SMARCC1: variants seen among roughly 807,000 people sequenced by gnomAD.
The protein encoded by SMARCC1 is SWI/SNF complex subunit SMARCC1.
SMARCC1 carries 43 observed loss-of-function variants against 147.4 expected under a neutral mutation model. The ratio of observed to expected loss-of-function variants is 0.29; its 90% CI spans 0.23 to 0.38. The LOEUF (loss-of-function observed/expected upper bound fraction) is 0.38. SMARCC1 is among the 10% of genes least tolerant of loss of function. The pLI is 1.00. For synonymous variants in SMARCC1, 495 were observed against 484.4 expected (o/e 1.02, Z -0.29); for missense variants, 1,119 against 1,381.1 (o/e 0.81, Z 3.01).
At chr3:47,602,275 C>A (rs1039072053) in intron 26 of SMARCC1, among the ~76,000 whole-genome samples, 1 of 152,036 alleles carries the variant, frequency 6.6e-6, no homozygotes, top group African/African-American at 2.4e-5. Context: ...CTGGGCGACA[C>A]AGCAAAACCC....
chr3:47,687,325 T>C (rs1170311875), intron 13 of SMARCC1, among the ~76,000 whole-genome samples: 1 of 152,234 alleles, frequency 6.6e-6, no homozygotes, highest in African/African-American at 2.4e-5. Flanking sequence ...CTTTAGTTAA[T>C]ATATTTTTGT....
intron 25 of SMARCC1, among the ~76,000 whole-genome samples, chr3:47,613,287 T>C (rs1461960225): frequency 6.6e-6 from 1 of 152,204 alleles, no homozygotes; most frequent in East Asian, 1.9e-4. Context: ...AAAATGACTT[T>C]GTGATCATGT....
At chr3:47,728,958 G>T in intron 6 of SMARCC1, 67 bp downstream of exon 6, 1 of 955,738 alleles carries the variant, frequency 1.0e-6, no homozygotes. Flanking sequence ...AGTCTTTGGG[G>T]GTATGACATA....
chr3:47,753,596 C>T (rs183637473), intron 2 of SMARCC1, among the ~76,000 whole-genome samples: 50 of 150,896 alleles, frequency 3.3e-4, no homozygotes, highest in Admixed American at 1.1e-3. Context: ...TGCCTGTAAT[C>T]CCAGCTACTC....
rs372385861 is a variant in SMARCC1 at position 47,588,302 on chromosome 3, G to C, written c.3225C>G (p.Pro1075=). 6.2e-7 allele frequency: 1 copy of C among 1,613,618 alleles called. No homozygotes were observed. Among genetic ancestry groups the C allele is most frequent in the South Asian group, 1.1e-5 (1 of 91,044 alleles). The change falls in exon 28 of 28, where the codon CCC becomes CCG. Residue 1075 remains proline (P), a synonymous_variant. Transcript: ENST00000254480. ...VPLTAPNGMY[P]PPPQQQPPPP... Reference sequence around the variant, plus strand: ...GCGGTGGCTGCTGCTGTGGTGGAGGGGGATCTGCAAACATATCCAAGAGTA... The same window carrying C: ...GCGGTGGCTGCTGCTGTGGTGGAGGCGGATCTGCAAACATATCCAAGAGTA...
In SMARCC1 at chr3:47,587,681, G is replaced by T. The variant is rs1336941346; in HGVS notation, c.*528C>A. ...GCACCATTCTTAGCTCAGAAAAGCAGAAATAAGGTCACTTATAATGCCTTA... is the reference window on the plus strand; with the variant it reads ...GCACCATTCTTAGCTCAGAAAAGCATAAATAAGGTCACTTATAATGCCTTA... On this transcript the variant is annotated 3_prime_UTR_variant, in exon 28 of 28. Transcript: ENST00000254480. 1 of 152,800 alleles carries T rather than the reference G, an allele frequency of 6.5e-6. No homozygotes were observed. The highest frequency in any genetic ancestry group is 2.4e-5 in the African/African-American group (1 of 41,438). 9.5% of individuals were successfully genotyped at this position (152,800 alleles called of 1,614,324 possible).
chr3:47,747,079 T>C lies in SMARCC1; in HGVS notation c.316-1086A>G, dbSNP rs559515960. Among the ~76,000 whole-genome samples the C allele has an allele frequency of 4.6e-5, 7 of 151,954 alleles. 1 individual carries two copies. In the South Asian group the frequency reaches 1.5e-3, roughly 32 times the overall value. The stretch of plus-strand genomic sequence containing the variant: ...GAGACACCAAGGTGAAAGAATCACT[T>C]GAGGCCAGGAGTCTGAGACCAGCTT... On this transcript the variant is annotated intron_variant, in intron 2 of 27. Coordinates refer to ENST00000254480, the MANE Select transcript of SMARCC1 (RefSeq NM_003074.4).
At chr3:47,682,251 C>T (rs1285108336) in intron 14 of SMARCC1, among the ~76,000 whole-genome samples, 5 of 148,852 alleles carry the variant, frequency 3.4e-5, no homozygotes, top group South Asian at 4.3e-4. Flanking sequence ...GCCGATATCG[C>T]GCCACTGCAC....
chr3:47,643,323 A>C (rs2033073619), intron 21 of SMARCC1, among the ~76,000 whole-genome samples: 1 of 152,204 alleles, frequency 6.6e-6, no homozygotes, highest in African/African-American at 2.4e-5. Context: ...GTGTATGTGC[A>C]CTGTGAGGCA....
At chr3:47,633,235 G>A (rs2032916052) in intron 24 of SMARCC1, among the ~76,000 whole-genome samples, 1 of 152,196 alleles carries the variant, frequency 6.6e-6, no homozygotes, top group Non-Finnish European at 1.5e-5. Context: ...GCGGGTTAGA[G>A]AATGGGACTG....
At chr3:47,732,740 G>C (rs1174304539) in intron 5 of SMARCC1, among the ~76,000 whole-genome samples, 3 of 152,230 alleles carry the variant, frequency 2.0e-5, no homozygotes. Flanking sequence ...TCTTCTATGG[G>C]TGTTGTGCTA....
At chr3:47,700,519 T>C (rs570658609) in intron 11 of SMARCC1, among the ~76,000 whole-genome samples, 49 of 152,242 alleles carry the variant, frequency 3.2e-4, no homozygotes, top group African/African-American at 1.1e-3. Flanking sequence ...TTGTTTTTTG[T>C]TTTTTGTTTT....
intron 2 of SMARCC1, among the ~76,000 whole-genome samples, chr3:47,758,088 G>A (rs991274537): frequency 7.9e-5 from 12 of 152,038 alleles, no homozygotes; most frequent in African/African-American, 2.4e-4. Flanking sequence ...TTCCCACAAC[G>A]GAATACTATA....
intron 13 of SMARCC1, among the ~76,000 whole-genome samples, chr3:47,686,822 T>A (rs2033729851): frequency 6.6e-6 from 1 of 152,112 alleles, no homozygotes. Flanking sequence ...TTGTCTCTAC[T>A]AAAAATTTAG....
intron 24 of SMARCC1, among the ~76,000 whole-genome samples, chr3:47,632,740 T>C (rs2032909567): frequency 6.6e-6 from 1 of 152,042 alleles, no homozygotes; most frequent in African/African-American, 2.4e-5. Flanking sequence ...GATAAAAGAA[T>C]CAATTCTGTT....
At chr3:47,772,677 T>C in intron 2 of SMARCC1, 140 bp downstream of exon 2, 1 of 693,630 alleles carries the variant, frequency 1.4e-6, no homozygotes, top group Non-Finnish European at 2.3e-6. Context: ...AATAGTAATA[T>C]TCTATAACTA....
chr3:47,772,979 G>A, intron 1 of SMARCC1, 43 bp from the exon 2 acceptor site: 4 of 1,595,966 alleles, frequency 2.5e-6, no homozygotes, highest in Non-Finnish European at 3.4e-6. Flanking sequence ...TACAATTTTT[G>A]CAGGAGAAAA....
chr3:47,751,821 C>T (rs946838878), intron 2 of SMARCC1, among the ~76,000 whole-genome samples: 2 of 152,012 alleles, frequency 1.3e-5, no homozygotes, highest in African/African-American at 4.8e-5. Context: ...CAGTAGCTCA[C>T]GCCTGTAATC....
intron 2 of SMARCC1, among the ~76,000 whole-genome samples, chr3:47,765,877 C>A (rs545121062): frequency 2.0e-5 from 3 of 151,972 alleles, no homozygotes; most frequent in Admixed American, 6.6e-5. Flanking sequence ...GGATTACAGG[C>A]GCCTGCCACC....
Sources: allele counts gnomAD v4.1 joint callset (sites outside exome capture counted in the v4.1 genomes callset), GRCh38; gene constraint gnomAD v4.1.1; transcripts MANE v1.5; gene names NCBI Gene and HGNC (gene_info 2026-07-23, HGNC 2026-07-21).